Variants in KCNQ1 observed in about 807,000 individuals in gnomAD.
KCNQ1 encodes the protein potassium voltage-gated channel subfamily Q member 1.
Under a neutral mutation model 72.4 loss-of-function variants are expected in KCNQ1, and 49 were observed. The ratio of observed to expected loss-of-function variants is 0.68; its 90% CI spans 0.54 to 0.86. KCNQ1 has a LOEUF of 0.86. Ranked by LOEUF, KCNQ1 falls within the 40% of genes least tolerant of loss-of-function variation. The probability of loss-of-function intolerance (pLI) is 0.00; values close to 1 mark genes in which losing one functional copy is unlikely to be tolerated. For missense variants in KCNQ1, 790 were observed against 945.1 expected (o/e 0.84, Z 2.15); for synonymous variants, 450 against 412.6 (o/e 1.09, Z -1.10).
At position 2,602,080 on chromosome 11, in the gene KCNQ1, C is replaced by T. The variant is rs1312032558; in HGVS notation, c.1393+13226C>T. On this transcript the variant is annotated intron_variant, in intron 10 of 15. Coordinates refer to ENST00000155840, the MANE Select transcript of KCNQ1 (RefSeq NM_000218.3). The surrounding 1 kb of genome is among the most constrained non-coding windows in gnomAD (Gnocchi z 4.8). ...TGACTACAGAAGAGAAAAAGGGTTACGTGGCCACGGAAGCAGGGGCAGGAA... is the reference window on the plus strand; with the variant it reads ...TGACTACAGAAGAGAAAAAGGGTTATGTGGCCACGGAAGCAGGGGCAGGAA... Among the ~76,000 whole-genome samples the T allele has an allele frequency of 1.3e-5, 2 of 152,152 alleles. No individual in the cohort carries two copies. Among genetic ancestry groups the T allele is most frequent in the African/African-American group, 2.4e-5 (1 of 41,504 alleles).
At chr11:2,506,406 C>A (rs1329543699) in intron 1 of KCNQ1, among the ~76,000 whole-genome samples, 1 of 152,176 alleles carries the variant, frequency 6.6e-6, no homozygotes, top group African/African-American at 2.4e-5. Flanking sequence ...TTTACAGCCA[C>A]CCCATACTTT....
chr11:2,642,282 T>G lies in KCNQ1; in HGVS notation c.1394-19679T>G. The G allele has an allele frequency of 2.5e-6, 1 of 398,378 alleles. No individual in the cohort carries two copies. Among genetic ancestry groups the G allele is most frequent in the Non-Finnish European group, 4.4e-6 (1 of 225,906 alleles). The allele number at this position is 398,378 out of a possible 1,614,324, so 24.7% of individuals were successfully genotyped here. A position where few individuals can be genotyped will look rare whatever the true frequency, so the allele number is the denominator to read the frequency against. ...ATGTTTTTTGTGTGTTCTTTTCAAT[T>G]TCTTTCATCAGACTTTTGTAGTTTT... is the stretch of plus-strand genomic sequence containing the variant. On this transcript the variant is annotated intron_variant, in intron 10 of 15. Coordinates refer to ENST00000155840, the MANE Select transcript of KCNQ1 (RefSeq NM_000218.3). The surrounding 1 kb of genome is among the most constrained non-coding windows in gnomAD (Gnocchi z 4.3).
At chr11:2,514,273 C>T (rs1847254451) in intron 1 of KCNQ1, among the ~76,000 whole-genome samples, 1 of 152,238 alleles carries the variant, frequency 6.6e-6, no homozygotes, top group African/African-American at 2.4e-5. Context: ...GTCATAGAGC[C>T]CGGCAGCATC....
chr11:2,688,041 C>T, intron 11 of KCNQ1: 2 of 398,788 alleles, frequency 5.0e-6, no homozygotes, highest in Non-Finnish European at 8.8e-6. Flanking sequence ...GGCACACACT[C>T]CACTCAGCTG....
At chr11:2,571,229 C>A (rs1848328431) in intron 3 of KCNQ1, 96 bp from the exon 4 acceptor site, 2 of 1,028,448 alleles carry the variant, frequency 1.9e-6, no homozygotes, top group East Asian at 2.4e-5. Context: ...GTCTGACCAG[C>A]AAGCCCCTTC....
chr11:2,731,601 C>T (rs1033067257), intron 11 of KCNQ1, among the ~76,000 whole-genome samples: 7 of 152,364 alleles, frequency 4.6e-5, no homozygotes, highest in African/African-American at 9.6e-5. Context: ...GCAAGCCCTC[C>T]GGAACAGACC....
At chr11:2,459,353 CAG>C (rs752273985) in intron 1 of KCNQ1, among the ~76,000 whole-genome samples, 7 of 152,150 alleles carry the variant, frequency 4.6e-5, no homozygotes, top group African/African-American at 9.7e-5. Flanking sequence ...CAGGCCATAA[CAG>C]GGGCAGGGGT....
chr11:2,719,804 G>A (rs553277191), intron 11 of KCNQ1, among the ~76,000 whole-genome samples: 39 of 152,304 alleles, frequency 2.6e-4, no homozygotes, highest in African/African-American at 3.6e-4. Flanking sequence ...GCCAAACACC[G>A]TGCTGGTTTC....
chr11:2,634,701 G>A (rs1175778491), intron 10 of KCNQ1: 2 of 152,190 alleles, frequency 1.3e-5, no homozygotes, highest in Non-Finnish European at 2.9e-5. Context: ...ACCCAGTAAG[G>A]GGATGGCTGG....
Position 2,677,816 on chromosome 11 carries a change from T to A in KCNQ1, c.1514+15735T>A. 2.5e-6 allele frequency: 1 copy of A among 398,558 alleles called. No individual in the cohort carries two copies. The highest frequency in any genetic ancestry group is 4.4e-6 in the Non-Finnish European group (1 of 226,042). 24.7% of individuals were successfully genotyped at this position (398,558 alleles called of 1,614,324 possible). The stretch of plus-strand genomic sequence containing the variant: ...GCAGGATTAAAATGTTCATTTATGT[T>A]GTGATAGATACTGCCAAATAAGGGC... On this transcript the variant is annotated intron_variant, in intron 11 of 15. Transcript: ENST00000155840. The surrounding 1 kb of genome is among the most constrained non-coding windows in gnomAD (Gnocchi z 4.5).
Position 2,642,885 on chromosome 11 carries a change from A to C in KCNQ1, c.1394-19076A>C, listed in dbSNP as rs949578677. On this transcript the variant is annotated intron_variant, in intron 10 of 15. Coordinates refer to ENST00000155840, the MANE Select transcript of KCNQ1 (RefSeq NM_000218.3). The surrounding 1 kb of genome is among the most constrained non-coding windows in gnomAD (Gnocchi z 4.3). ...GCTTCTATTTTCACTTGTTTCAGTAAATTTTTTATTTCTGCCTTAATTTCT... is the reference window on the plus strand; with the variant it reads ...GCTTCTATTTTCACTTGTTTCAGTACATTTTTTATTTCTGCCTTAATTTCT... 5.0e-6 allele frequency: 2 copies of C among 397,668 alleles called. No individual in the cohort carries two copies. Among genetic ancestry groups the C allele is most frequent in the Admixed American group, 8.8e-5 (2 of 22,692 alleles). 24.6% of individuals were successfully genotyped at this position (397,668 alleles called of 1,614,324 possible). A position where few individuals can be genotyped will look rare whatever the true frequency, so the allele number is the denominator to read the frequency against.
At chr11:2,591,933 C>T (rs1209410367) in intron 10 of KCNQ1, among the ~76,000 whole-genome samples, 1 of 152,246 alleles carries the variant, frequency 6.6e-6, no homozygotes, top group Non-Finnish European at 1.5e-5. Context: ...AGAGCCCTGG[C>T]TTGGGGAGAA....
chr11:2,552,669 C>G (rs58575741), intron 2 of KCNQ1, among the ~76,000 whole-genome samples: 3 of 152,112 alleles, frequency 2.0e-5, no homozygotes, highest in African/African-American at 4.8e-5. Flanking sequence ...CTTAGTAATA[C>G]CGAGTTTTCT....
intron 11 of KCNQ1, chr11:2,675,125 C>T (rs1428557555): frequency 3.3e-5 from 13 of 398,526 alleles, no homozygotes; most frequent in African/African-American, 2.7e-4. Flanking sequence ...GTTCACTAGC[C>T]TCTTTCTCCC....
chr11:2,839,034 AG>A (rs1271443998), intron 15 of KCNQ1, among the ~76,000 whole-genome samples: 3 of 152,026 alleles, frequency 2.0e-5, no homozygotes, highest in Non-Finnish European at 4.4e-5. Context: ...GCAGGTGGGC[AG>A]GTGGGCAGCT....
chr11:2,848,121 C>T lies in KCNQ1; in HGVS notation c.*118C>T, dbSNP rs1171864260. The T allele has an allele frequency of 8.0e-6, 7 of 871,306 alleles. No homozygotes were observed. Among genetic ancestry groups the T allele is most frequent in the Admixed American group, 2.0e-5 (1 of 50,034 alleles). 54.0% of individuals were successfully genotyped at this position (871,306 alleles called of 1,614,324 possible). A position where few individuals can be genotyped will look rare whatever the true frequency, so the allele number is the denominator to read the frequency against. On this transcript the variant is annotated 3_prime_UTR_variant, in exon 16 of 16. Coordinates refer to ENST00000155840, the MANE Select transcript of KCNQ1 (RefSeq NM_000218.3). ...GGCCCAGAGAGAAGAGCCCCACTCT[C>T]AGAGGCCCCAATACCCCATGGACCA...
intron 2 of KCNQ1, among the ~76,000 whole-genome samples, chr11:2,558,625 G>A (rs1051842104): frequency 2.0e-5 from 3 of 152,340 alleles, no homozygotes; most frequent in Admixed American, 1.3e-4. Context: ...AGTGGGCCGC[G>A]CTTCGGGAAC....
chr11:2,580,632 C>T (rs952703940), intron 6 of KCNQ1, among the ~76,000 whole-genome samples: 22 of 152,144 alleles, frequency 1.4e-4, no homozygotes, highest in African/African-American at 4.8e-4. Context: ...AGAGTGCTGC[C>T]GTCCCTGAGC....
chr11:2,682,683 C>T lies in KCNQ1; in HGVS notation c.1514+20602C>T. 1 of 398,620 alleles carries T rather than the reference C, an allele frequency of 2.5e-6. No individual in the cohort carries two copies. Among genetic ancestry groups the T allele is most frequent in the East Asian group, 3.6e-5 (1 of 28,080 alleles). The allele number at this position is 398,620 out of a possible 1,614,324, so 24.7% of individuals were successfully genotyped here. On this transcript the variant is annotated intron_variant, in intron 11 of 15. Transcript: ENST00000155840. The surrounding 1 kb of genome is among the most constrained non-coding windows in gnomAD (Gnocchi z 5.8). ...GTCCACATGCTATTGTCCATAGAAG[C>T]TGGGGTCCAAAGTTGACCAGAATAT...
Sources: gnomAD v4.1 joint callset for allele counts (sites outside exome capture counted in the v4.1 genomes callset) on GRCh38, gnomAD v4.1.1 for gene constraint, Gnocchi (gnomAD v3.1) non-coding constraint, MANE v1.5 for transcripts, NCBI Gene and HGNC (gene_info 2026-07-23, HGNC 2026-07-21) for gene names.